PROM1: variants seen among roughly 807,000 people sequenced by gnomAD.
PROM1 encodes prominin 1, also known as prominin-1.
PROM1 carries 105 observed loss-of-function variants against 116.9 expected under a neutral mutation model. The observed-to-expected ratio is 0.90, with a 90% CI of 0.77 to 1.06. The LOEUF (loss-of-function observed/expected upper bound fraction) is 1.06, where lower values mean the gene tolerates loss of function less well. Ranked by LOEUF, PROM1 falls within the 50% of genes least tolerant of loss-of-function variation. The probability of loss-of-function intolerance (pLI) is 0.00; values close to 1 mark genes in which losing one functional copy is unlikely to be tolerated. For missense variants in PROM1, 1,122 were observed against 1,045.2 expected (o/e 1.07, Z -1.01); for synonymous variants, 393 against 387.0 (o/e 1.02, Z -0.18).
At chr4:16,072,925 G>A (rs1193808886) in intron 2 of PROM1, among the ~76,000 whole-genome samples, 2 of 152,154 alleles carry the variant, frequency 1.3e-5, no homozygotes, top group East Asian at 1.9e-4. Flanking sequence ...GACAGTGCAA[G>A]AGGACAGCTT....
In PROM1 at chr4:15,980,453, G is replaced by C. The variant is rs755446696; in HGVS notation, c.2458C>G (p.Arg820Gly). 35 of 1,554,862 alleles carry C rather than the reference G, an allele frequency of 2.3e-5. No individual in the cohort carries two copies. The East Asian group carries it at 7.7e-4, about 34-fold the overall frequency. ...TACACGTCCTCCGAATCCATTCGAC[G>C]ATAGTACTTAGCCAGTTTTACCGCA... ...IFAVKLAKYY[R>G]RMDSEDVYDD... The change falls in exon 24 of 28, where the codon CGT becomes GGT. Residue 820 changes from arginine to glycine, a missense_variant. Coordinates refer to ENST00000447510, the MANE Select transcript of PROM1 (RefSeq NM_006017.3).
At chr4:16,009,783 T>G (rs866736877) in intron 11 of PROM1, among the ~76,000 whole-genome samples, 1 of 151,594 alleles carries the variant, frequency 6.6e-6, no homozygotes, top group Admixed American at 6.6e-5. Flanking sequence ...CTACTAAAAA[T>G]ACAAAAATTA....
At chr4:15,984,237 T>A in intron 23 of PROM1, 26 bp downstream of exon 23, 8 of 1,505,410 alleles carry the variant, frequency 5.3e-6, no homozygotes, top group Non-Finnish European at 6.4e-6. Context: ...ATTCATTGTG[T>A]CTTCTTTTGA....
chr4:16,025,359 A>T, intron 5 of PROM1, 47 bp from the exon 6 acceptor site: 1 of 1,607,072 alleles, frequency 6.2e-7, no homozygotes. Flanking sequence ...TGTGTGGTCC[A>T]TGGTTCTTTG....
intron 2 of PROM1, among the ~76,000 whole-genome samples, chr4:16,041,785 A>AATAAATAT (rs1207310213): frequency 2.7e-4 from 10 of 37,628 alleles, no homozygotes; most frequent in South Asian, 1.0e-3. Flanking sequence ...TAAATAAATA[A>AATAAATAT]ATATATATAT....
intron 2 of PROM1, among the ~76,000 whole-genome samples, chr4:16,067,420 G>T (rs1055671936): frequency 6.6e-6 from 1 of 152,158 alleles, no homozygotes; most frequent in African/African-American, 2.4e-5. Context: ...TCTGAGCCTC[G>T]ACTTCCTCTT....
Position 16,013,325 on chromosome 4 carries a change from A to C in PROM1, c.1091T>G (p.Leu364Arg). The change falls in exon 11 of 28, where the codon CTT becomes CGT. Residue 364 changes from leucine (L) to arginine (R), a missense_variant. By Grantham distance (102) the Leu-to-Arg change is moderately radical (BLOSUM62 -2). Coordinates refer to ENST00000447510, the MANE Select transcript of PROM1 (RefSeq NM_006017.3). ...DGLVQQGYQS[L>R]NDIPDRVQRQ... ...TTGTACTCTGTCAGGTATATCATTA[A>C]GGGATTGATAGCCCTGAAAAATATT... The C allele has an allele frequency of 6.2e-7, 1 of 1,603,372 alleles. No individual in the cohort carries two copies. Among genetic ancestry groups the C allele is most frequent in the Non-Finnish European group, 8.5e-7 (1 of 1,170,218 alleles).
chr4:15,970,210 C>T (rs1365432764), intron 27 of PROM1, among the ~76,000 whole-genome samples: 4 of 149,964 alleles, frequency 2.7e-5, no homozygotes, highest in South Asian at 4.2e-4. Context: ...CTGTTGCCCA[C>T]GCTGGAGTGC....
At chr4:16,053,986 T>C (rs1178840089) in intron 2 of PROM1, among the ~76,000 whole-genome samples, 1 of 152,150 alleles carries the variant, frequency 6.6e-6, no homozygotes, top group Non-Finnish European at 1.5e-5. Context: ...CCCAGTTACT[T>C]GGGAGGCCAA....
At chr4:16,036,657 T>C (rs1457606384) in intron 3 of PROM1, among the ~76,000 whole-genome samples, 1 of 152,180 alleles carries the variant, frequency 6.6e-6, no homozygotes, top group African/African-American at 2.4e-5. Context: ...TCAGAAGATA[T>C]GGGTAAGACC....
At chr4:16,064,197 T>C (rs1740993479) in intron 2 of PROM1, among the ~76,000 whole-genome samples, 1 of 152,178 alleles carries the variant, frequency 6.6e-6, no homozygotes, top group Non-Finnish European at 1.5e-5. Context: ...CTAAGCATAA[T>C]GGCCCCAACC....
chr4:16,052,532 A>G (rs1217085394), intron 2 of PROM1, among the ~76,000 whole-genome samples: 1 of 152,214 alleles, frequency 6.6e-6, no homozygotes, highest in African/African-American at 2.4e-5. Flanking sequence ...GCTGGAGTGC[A>G]GTGGTGTGAT....
chr4:16,017,558 T>G (rs529346251), intron 9 of PROM1, among the ~76,000 whole-genome samples: 1 of 152,230 alleles, frequency 6.6e-6, no homozygotes, highest in Non-Finnish European at 1.5e-5. Context: ...TGGTGGCTCA[T>G]GCCTGTAATC....
chr4:16,034,483 G>A (rs975196549), intron 4 of PROM1, among the ~76,000 whole-genome samples: 1 of 152,102 alleles, frequency 6.6e-6, no homozygotes, highest in Non-Finnish European at 1.5e-5. Context: ...ACCGACCTTG[G>A]CAGTCCGTGT....
intron 20 of PROM1, among the ~76,000 whole-genome samples, chr4:15,987,032 G>A (rs769067654): frequency 2.6e-5 from 4 of 152,252 alleles, no homozygotes; most frequent in Non-Finnish European, 4.4e-5. Flanking sequence ...GATTGCATTA[G>A]CTGTTCAGGA....
rs540527623 is a variant in PROM1, at chr4:16,075,546, C to T, written c.220+141G>A. On this transcript the variant is annotated intron_variant, in intron 2 of 27. Transcript: ENST00000447510. Reference sequence around the variant, plus strand: ...AACCTGGTACAAGTCTTCTTAACTTCTGTCTAAATGCTTTCTGCTTCTGTG... The same window carrying T: ...AACCTGGTACAAGTCTTCTTAACTTTTGTCTAAATGCTTTCTGCTTCTGTG... 5 of 811,378 alleles carry T rather than the reference C, an allele frequency of 6.2e-6. No homozygotes were observed. In the African/African-American group the frequency reaches 6.9e-5, roughly 11 times the overall value. 50.3% of individuals were successfully genotyped at this position (811,378 alleles called of 1,614,324 possible). A position where few individuals can be genotyped will look rare whatever the true frequency, so the allele number is the denominator to read the frequency against.
intron 16 of PROM1, 64 bp from the exon 17 acceptor site, chr4:15,992,455 T>A (rs1721306990): frequency 6.5e-7 from 1 of 1,549,180 alleles, no homozygotes; most frequent in African/African-American, 1.4e-5. Context: ...ACCAAATGCT[T>A]TAAAAGAGCA....
At chr4:15,970,447 A>G (rs1271264417) in intron 27 of PROM1, among the ~76,000 whole-genome samples, 1 of 152,130 alleles carries the variant, frequency 6.6e-6, no homozygotes, top group Non-Finnish European at 1.5e-5. Flanking sequence ...TGCTGGGATT[A>G]CAGGCGTGAG....
chr4:16,032,123 A>T (rs1732846418), intron 5 of PROM1, among the ~76,000 whole-genome samples: 1 of 149,422 alleles, frequency 6.7e-6, no homozygotes, highest in Admixed American at 6.7e-5. Context: ...TAAAAATATG[A>T]CCCAGTGCTT....
Sources: gnomAD v4.1 joint callset for allele counts (sites outside exome capture counted in the v4.1 genomes callset) on GRCh38, gnomAD v4.1.1 for gene constraint, MANE v1.5 for transcripts, NCBI Gene and HGNC (gene_info 2026-07-23, HGNC 2026-07-21) for gene names.